BTBD9: variants seen among roughly 807,000 people sequenced by gnomAD.
BTBD9 encodes BTB domain containing 9, also known as BTB/POZ domain-containing protein 9.
Under a neutral mutation model 64.3 loss-of-function variants are expected in BTBD9, and 49 were observed. That is an observed-to-expected ratio of 0.76 (90% CI 0.61 to 0.97). The LOEUF (loss-of-function observed/expected upper bound fraction) is 0.97. Ranked by LOEUF, BTBD9 falls within the 50% of genes least tolerant of loss-of-function variation. The pLI is 0.00. For missense variants in BTBD9, 598 were observed against 762.1 expected, an observed-to-expected ratio of 0.78 and a Z score of 2.53; for synonymous variants, 260 against 274.7, an observed-to-expected ratio of 0.95 and a Z score of 0.53.
intron 8 of BTBD9, among the ~76,000 whole-genome samples, chr6:38,272,265 T>C (rs1326590364): frequency 2.6e-5 from 4 of 152,164 alleles, no homozygotes; most frequent in African/African-American, 9.7e-5. Context: ...AAAATAATAA[T>C]ATATCAGTTA....
chr6:38,328,569 G>GTGTGTGTGTGTGTC (rs1416510934), intron 7 of BTBD9, among the ~76,000 whole-genome samples: 40 of 52,772 alleles, frequency 7.6e-4, no homozygotes, highest in Middle Eastern at 0.023. Flanking sequence ...GCCACCGTGT[G>GTGTGTGTGTGTGTC]TGTGTGTGTG....
At chr6:38,614,638 T>C (rs1432232947) in intron 1 of BTBD9, among the ~76,000 whole-genome samples, 1 of 152,234 alleles carries the variant, frequency 6.6e-6, no homozygotes. Context: ...AATCCGGCTG[T>C]GGAAGCCAGA....
intron 1 of BTBD9, among the ~76,000 whole-genome samples, chr6:38,634,796 T>C (rs1401340579): frequency 6.6e-6 from 1 of 152,196 alleles, no homozygotes; most frequent in Non-Finnish European, 1.5e-5. Flanking sequence ...CTTCAAAGGT[T>C]ATTGCTATGT....
chr6:38,529,168 G>C (rs995901973), intron 6 of BTBD9, among the ~76,000 whole-genome samples: 1 of 152,158 alleles, frequency 6.6e-6, no homozygotes, highest in Non-Finnish European at 1.5e-5. Context: ...TGTGGGGCTT[G>C]GGAAAGACCC....
At chr6:38,561,780 T>C (rs952380174) in intron 6 of BTBD9, among the ~76,000 whole-genome samples, 3 of 152,136 alleles carry the variant, frequency 2.0e-5, no homozygotes, top group African/African-American at 7.2e-5. Flanking sequence ...CACTGGGGAC[T>C]ACGGTGGGGG....
intron 6 of BTBD9, among the ~76,000 whole-genome samples, chr6:38,484,037 C>T (rs1236819733): frequency 6.6e-6 from 1 of 152,210 alleles, no homozygotes; most frequent in Non-Finnish European, 1.5e-5. Flanking sequence ...TATATGTCTA[C>T]TTCCAGGCAC....
In BTBD9 at chr6:38,174,719, A is replaced by G; in HGVS notation, c.*266T>C. ...TGCGCCTGGGCTAGATTAGAGAGGT[A>G]GGGTGTTAATGGTGGACTTGATGAA... On this transcript the variant is annotated 3_prime_UTR_variant, in exon 11 of 11. Transcript: ENST00000481247. The G allele has an allele frequency of 2.1e-6, 1 of 483,014 alleles. No homozygotes were observed. Among genetic ancestry groups the G allele is most frequent in the Non-Finnish European group, 3.7e-6 (1 of 272,598 alleles). The allele number at this position is 483,014 out of a possible 1,614,324, so 29.9% of individuals were successfully genotyped here.
At chr6:38,409,454 T>C (rs529213164) in intron 6 of BTBD9, among the ~76,000 whole-genome samples, 44 of 152,342 alleles carry the variant, frequency 2.9e-4, no homozygotes, top group African/African-American at 1.0e-3. Flanking sequence ...TTAATCTATA[T>C]TTCTAAAATT....
intron 9 of BTBD9, among the ~76,000 whole-genome samples, chr6:38,232,376 T>C (rs1763638847): frequency 6.6e-6 from 1 of 151,916 alleles, no homozygotes; most frequent in African/African-American, 2.4e-5. Flanking sequence ...GTTCACGCCA[T>C]TCTCCTGCCT....
At chr6:38,563,438 C>T (rs1775336575) in intron 6 of BTBD9, among the ~76,000 whole-genome samples, 1 of 152,178 alleles carries the variant, frequency 6.6e-6, no homozygotes, top group Admixed American at 6.5e-5. Context: ...ACAGAGGTCT[C>T]CCAACTGGTT....
chr6:38,591,440 A>G (rs779275393), intron 4 of BTBD9, among the ~76,000 whole-genome samples: 1 of 152,026 alleles, frequency 6.6e-6, no homozygotes, highest in Non-Finnish European at 1.5e-5. Flanking sequence ...TATAACATGT[A>G]CTCCCTTGAA....
chr6:38,501,711 T>C (rs1772209720), intron 6 of BTBD9, among the ~76,000 whole-genome samples: 1 of 152,194 alleles, frequency 6.6e-6, no homozygotes, highest in Non-Finnish European at 1.5e-5. Context: ...GTCTGTGCAC[T>C]TGAGCTTTCC....
chr6:38,335,555 C>T (rs1763859439), intron 7 of BTBD9, among the ~76,000 whole-genome samples: 1 of 151,570 alleles, frequency 6.6e-6, no homozygotes, highest in Non-Finnish European at 1.5e-5. Context: ...GCCCAGCCTC[C>T]AGGTAGTTCT....
intron 7 of BTBD9, among the ~76,000 whole-genome samples, chr6:38,299,524 G>T (rs200145459): frequency 5.3e-4 from 80 of 152,182 alleles, no homozygotes; most frequent in East Asian, 2.9e-3. Context: ...ACCTGTTGTT[G>T]CCTGACTTTT....
chr6:38,194,073 C>A (rs1221970542), intron 9 of BTBD9, among the ~76,000 whole-genome samples: 1 of 152,182 alleles, frequency 6.6e-6, no homozygotes, highest in African/African-American at 2.4e-5. Flanking sequence ...GGCCTATTTT[C>A]TCGGTGGGCG....
At chr6:38,584,448 T>C (rs1776424660) in intron 4 of BTBD9, among the ~76,000 whole-genome samples, 1 of 152,238 alleles carries the variant, frequency 6.6e-6, no homozygotes, top group African/African-American at 2.4e-5. Flanking sequence ...TGCTAATTAT[T>C]AGAAGGAAAA....
At chr6:38,433,564 T>C (rs1768551111) in intron 6 of BTBD9, among the ~76,000 whole-genome samples, 1 of 151,424 alleles carries the variant, frequency 6.6e-6, no homozygotes, top group Non-Finnish European at 1.5e-5. Context: ...AAAAACCCCC[T>C]TTGACTGTAA....
chr6:38,354,097 C>CA (rs1218993926), intron 6 of BTBD9, among the ~76,000 whole-genome samples: 1 of 151,980 alleles, frequency 6.6e-6, no homozygotes, highest in Non-Finnish European at 1.5e-5. Flanking sequence ...TCTAAGAATA[C>CA]TTCTAAGAAT....
chr6:38,429,248 A>G (rs1030155035), intron 6 of BTBD9, among the ~76,000 whole-genome samples: 1 of 151,230 alleles, frequency 6.6e-6, no homozygotes, highest in African/African-American at 2.4e-5. Flanking sequence ...TGAGGTCAGG[A>G]GTTCAAGACC....
Sources: allele counts gnomAD v4.1 joint callset (sites outside exome capture counted in the v4.1 genomes callset), GRCh38; gene constraint gnomAD v4.1.1; transcripts MANE v1.5; gene names NCBI Gene and HGNC (gene_info 2026-07-23, HGNC 2026-07-21).